SPAG9: variants seen among roughly 807,000 people sequenced by gnomAD.
SPAG9 encodes the protein C-Jun-amino-terminal kinase-interacting protein 4.
Under a neutral mutation model 166.5 loss-of-function variants are expected in SPAG9, and 35 were observed. The observed-to-expected ratio is 0.21, with a 90% CI of 0.16 to 0.28. The LOEUF is 0.28. Among genes scored for constraint, SPAG9 ranks in the 10% least tolerant of loss-of-function variants. SPAG9 has a pLI of 1.00. For synonymous variants in SPAG9, 534 were observed against 565.5 expected (o/e 0.94, Z 0.79); for missense variants, 1,235 against 1,603.3 (o/e 0.77, Z 3.92).
intron 1 of SPAG9, among the ~76,000 whole-genome samples, chr17:51,093,440 C>A (rs1381067247): frequency 6.6e-6 from 1 of 151,006 alleles, no homozygotes; most frequent in Admixed American, 6.6e-5. Flanking sequence ...TGGTGGCTCA[C>A]GCCTGTAATC....
At chr17:51,116,955 C>T (rs2049306562) in intron 1 of SPAG9, among the ~76,000 whole-genome samples, 1 of 151,998 alleles carries the variant, frequency 6.6e-6, no homozygotes, top group South Asian at 2.1e-4. Flanking sequence ...TCAGACGGGT[C>T]TTGGTTAAAG....
Position 50,965,268 on chromosome 17 carries a change from A to G in SPAG9, c.*1004T>C, listed in dbSNP as rs1973305113. The G allele has an allele frequency of 6.6e-6, 1 of 152,188 alleles. No homozygotes were observed. Among genetic ancestry groups the G allele is most frequent in the South Asian group, 2.1e-4 (1 of 4,836 alleles). 9.4% of individuals were successfully genotyped at this position (152,188 alleles called of 1,614,324 possible). Reference sequence around the variant, plus strand: ...CTGCAGTTTGATACAGAACAAAAGAAAATAACTTTTCTAATTAAATCCCTC... The same window carrying G: ...CTGCAGTTTGATACAGAACAAAAGAGAATAACTTTTCTAATTAAATCCCTC... On this transcript the variant is annotated 3_prime_UTR_variant, in exon 30 of 30. Transcript: ENST00000262013.
At position 51,111,692 on chromosome 17, in the gene SPAG9, T is replaced by A. The variant is rs546158025; in HGVS notation, c.303+8662A>T. Among the ~76,000 whole-genome samples the A allele has an allele frequency of 2.8e-4, 43 of 152,272 alleles. 1 individual carries two copies. The highest frequency in any genetic ancestry group is 1.8e-3 in the Admixed American group (27 of 15,272). On this transcript the variant is annotated intron_variant, in intron 1 of 29. Transcript: ENST00000262013. ...ATATTGGCTCACTACAACCTCCGCCTCCCAGGTACAAGTGATTTTCCTTCC... is the reference window on the plus strand; with the variant it reads ...ATATTGGCTCACTACAACCTCCGCCACCCAGGTACAAGTGATTTTCCTTCC...
chr17:51,020,549 G>A (rs1188673410), intron 7 of SPAG9, among the ~76,000 whole-genome samples: 1 of 152,096 alleles, frequency 6.6e-6, no homozygotes, highest in African/African-American at 2.4e-5. Context: ...GAATTTAAAG[G>A]AACTAAAGAC....
intron 2 of SPAG9, among the ~76,000 whole-genome samples, chr17:51,073,137 C>T (rs1453272780): frequency 1.3e-5 from 2 of 152,224 alleles, no homozygotes; most frequent in Admixed American, 6.5e-5. Flanking sequence ...GCCAGCCTGG[C>T]TAACACGGTG....
intron 2 of SPAG9, among the ~76,000 whole-genome samples, chr17:51,062,329 A>G (rs2047540505): frequency 6.6e-6 from 1 of 152,184 alleles, no homozygotes; most frequent in East Asian, 1.9e-4. Flanking sequence ...GTGGTGTTGT[A>G]TACTCTACAG....
intron 9 of SPAG9, among the ~76,000 whole-genome samples, chr17:51,010,568 GAAAA>G (rs3075109): frequency 0.01 from 1,256 of 124,848 alleles, 21 homozygotes; most frequent in Admixed American, 0.066. Flanking sequence ...GGCAAGAAAA[GAAAA>G]AAAAAAAAAA....
intron 7 of SPAG9, 118 bp from the exon 8 acceptor site, chr17:51,020,376 A>T (rs945492724): frequency 4.6e-6 from 3 of 646,486 alleles, no homozygotes; most frequent in Non-Finnish European, 8.1e-6. Flanking sequence ...AAAATGTGCA[A>T]GACTGGATTT....
chr17:50,987,290 T>C (rs551851633), intron 21 of SPAG9, 53 bp from the exon 22 acceptor site: 82 of 1,515,150 alleles, frequency 5.4e-5, no homozygotes, highest in Admixed American at 6.4e-5. Context: ...ACTATCGTTA[T>C]AGTTTTCAGG....
intron 11 of SPAG9, among the ~76,000 whole-genome samples, chr17:51,005,699 A>G (rs988227768): frequency 1.3e-5 from 2 of 152,214 alleles, no homozygotes; most frequent in African/African-American, 4.8e-5. Context: ...AACAGTACAA[A>G]AATTAGCTGT....
chr17:50,974,174 C>T (rs953806839), intron 28 of SPAG9, among the ~76,000 whole-genome samples: 7 of 152,344 alleles, frequency 4.6e-5, no homozygotes, highest in Non-Finnish European at 1.0e-4. Context: ...GACATCATCA[C>T]TTCCATCTTT....
intron 9 of SPAG9, among the ~76,000 whole-genome samples, chr17:51,011,882 G>GA (rs1250783581): frequency 6.6e-6 from 1 of 152,074 alleles, no homozygotes; most frequent in Non-Finnish European, 1.5e-5. Context: ...ACTTTTAATT[G>GA]ATTTAAAAGA....
At position 51,120,137 on chromosome 17, in the gene SPAG9, C is replaced by T. The variant is rs1157062198; in HGVS notation, c.303+217G>A. On this transcript the variant is annotated intron_variant, in intron 1 of 29. Coordinates refer to ENST00000262013, the MANE Select transcript of SPAG9 (RefSeq NM_001130528.3). This position sits in a 1 kb window ranked among gnomAD's most constrained non-coding sequence, Gnocchi z 4.7. ...CCCGGGCCCTGCCTCCTCCATCTCG[C>T]TCCCTTCCCAGGACACTCAGTAGCC... is the stretch of plus-strand genomic sequence containing the variant. 6.6e-6 allele frequency among the ~76,000 whole-genome samples: 1 copy of T among 152,242 alleles called. No homozygotes were observed. Among genetic ancestry groups the T allele is most frequent in the Non-Finnish European group, 1.5e-5 (1 of 68,032 alleles).
intron 1 of SPAG9, among the ~76,000 whole-genome samples, chr17:51,111,697 G>T (rs932577488): frequency 1.3e-5 from 2 of 152,056 alleles, no homozygotes; most frequent in Non-Finnish European, 2.9e-5. Context: ...CCGCCTCCCA[G>T]GTACAAGTGA....
At chr17:51,022,844 G>A (rs1279560913) in intron 6 of SPAG9, among the ~76,000 whole-genome samples, 1 of 150,906 alleles carries the variant, frequency 6.6e-6, no homozygotes, top group African/African-American at 2.4e-5. Context: ...CAGCTACTCG[G>A]GAGGCTGAGG....
intron 15 of SPAG9, among the ~76,000 whole-genome samples, chr17:50,997,154 A>G (rs2044718331): frequency 6.6e-6 from 1 of 152,150 alleles, no homozygotes. Flanking sequence ...AAACAAACAA[A>G]CAAACAAAGT....
chr17:50,980,322 C>T (rs1974503762), intron 25 of SPAG9, among the ~76,000 whole-genome samples: 1 of 152,076 alleles, frequency 6.6e-6, no homozygotes, highest in Non-Finnish European at 1.5e-5. Flanking sequence ...TCTCCTTCCT[C>T]AGCCTCCTGA....
At chr17:50,990,885 CAT>C (rs1975487283) in intron 19 of SPAG9, 1 of 472,472 alleles carries the variant, frequency 2.1e-6, no homozygotes, top group Admixed American at 3.7e-5. Context: ...TGCAAATAAA[CAT>C]AAAAATGTCA....
intron 1 of SPAG9, among the ~76,000 whole-genome samples, chr17:51,112,346 C>T (rs2049136354): frequency 1.8e-5 from 2 of 113,134 alleles, no homozygotes; most frequent in Non-Finnish European, 3.4e-5. Flanking sequence ...CAAGCCTGGG[C>T]AACACAGTGT....
Sources: gnomAD v4.1 joint callset for allele counts (sites outside exome capture counted in the v4.1 genomes callset) on GRCh38, gnomAD v4.1.1 for gene constraint, Gnocchi (gnomAD v3.1) non-coding constraint, MANE v1.5 for transcripts, NCBI Gene and HGNC (gene_info 2026-07-23, HGNC 2026-07-21) for gene names.